The following MYBPC2 variants were observed in gnomAD, a reference collection of about 807,000 sequenced individuals.
MYBPC2 encodes myosin-binding protein C, fast-type.
MYBPC2 carries 122 observed loss-of-function variants against 137.0 expected under a neutral mutation model. That is an observed-to-expected ratio of 0.89 (90% confidence interval 0.77 to 1.03). The LOEUF is 1.03. Ranked by LOEUF, MYBPC2 falls within the 50% of genes least tolerant of loss-of-function variation. MYBPC2 has a pLI of 0.00. For synonymous variants in MYBPC2, 626 were observed against 612.3 expected, an observed-to-expected ratio of 1.02 and a Z score of -0.33; for missense variants, 1,500 against 1,534.4, an observed-to-expected ratio of 0.98 and a Z score of 0.37.
Position 50,454,440 on chromosome 19 carries a change from T to C in MYBPC2, c.2014+71T>C, listed in dbSNP as rs1601293188. ...CTTCTGTTTTTTTTTTTTTTTTTTT[T>C]TTTGAGATGGAGTCTCACTCTATCG... On this transcript the variant is annotated intron_variant, in intron 18 of 27. Transcript: ENST00000357701. 4 of 1,254,848 alleles carry C rather than the reference T, an allele frequency of 3.2e-6. No individual in the cohort carries two copies. In the East Asian group the frequency reaches 1.0e-4, roughly 31 times the overall value. The allele number at this position is 1,254,848 out of a possible 1,614,324, so 77.7% of individuals were successfully genotyped here.
chr19:50,463,635 A>C (rs550262473), intron 26 of MYBPC2, among the ~76,000 whole-genome samples: 2 of 152,288 alleles, frequency 1.3e-5, no homozygotes, highest in Non-Finnish European at 2.9e-5. Flanking sequence ...TCACATAAAT[A>C]ATATAAAATT....
Position 50,461,725 on chromosome 19 carries a change from C to T in MYBPC2, c.3091+24C>T, listed in dbSNP as rs761736857. On this transcript the variant is annotated intron_variant, in intron 25 of 27. Transcript: ENST00000357701. ...AGGTACAGCCATCCTGCCCCACAGCCCAGGCCCACCCCGTCCACCCTCTCG... is the reference window on the plus strand; with the variant it reads ...AGGTACAGCCATCCTGCCCCACAGCTCAGGCCCACCCCGTCCACCCTCTCG... 5.0e-6 allele frequency: 8 copies of T among 1,612,380 alleles called. No homozygotes were observed. In the East Asian group the frequency reaches 1.8e-4, roughly 36 times the overall value.
intron 9 of MYBPC2, among the ~76,000 whole-genome samples, chr19:50,442,567 T>C (rs754723070): frequency 3.3e-5 from 5 of 151,746 alleles, no homozygotes; most frequent in African/African-American, 7.2e-5. Context: ...ATACAAAAAA[T>C]TAGCCGGGTG....
Position 50,435,893 on chromosome 19 carries a change from G to A in MYBPC2, c.196+31G>A, listed in dbSNP as rs763378971. On this transcript the variant is annotated intron_variant, in intron 3 of 27. Transcript: ENST00000357701. This position sits in a 1 kb window ranked among gnomAD's most constrained non-coding sequence, Gnocchi z 4.8. ...GGGAACCCGGGGGAGGAGGGGCTGC[G>A]GCCCGGACTCCTGGGTCTGAGGGAG... 2.0e-5 allele frequency: 31 copies of A among 1,559,412 alleles called. No homozygotes were observed. In the East Asian group the frequency reaches 2.9e-4, roughly 14 times the overall value.
rs546856606 is a variant in MYBPC2 at position 50,445,806 on chromosome 19, C to T, written c.1134-74C>T. ...CTTCTGATCCCTCTGCATGGGCCCC[C>T]GACTGACTCTCCAAGACCCAGACCG... On this transcript the variant is annotated intron_variant, in intron 11 of 27. Transcript: ENST00000357701. The T allele has an allele frequency of 2.2e-4, 323 of 1,453,396 alleles. No individual in the cohort carries two copies. In the African/African-American group the frequency reaches 3.7e-3, roughly 17 times the overall value. The allele number at this position is 1,453,396 out of a possible 1,614,324, so 90.0% of individuals were successfully genotyped here.
In MYBPC2 at chr19:50,436,102, T is replaced by G; in HGVS notation, c.287T>G (p.Leu96Arg). 6.3e-7 allele frequency: 1 copy of G among 1,582,320 alleles called. No homozygotes were observed. Among genetic ancestry groups the G allele is most frequent in the Non-Finnish European group, 8.6e-7 (1 of 1,164,702 alleles). ...TGGTTCAAGGGGAAGTGGCTGGAGC[T>G]GGGCAGCAAGAGTGGCGCCCGCTTC... ...IKWFKGKWLE[L>R]GSKSGARFSF... The change falls in exon 4 of 28, where the codon CTG (leucine) becomes CGG (arginine). Residue 96 changes from leucine to arginine, a missense_variant. Physicochemically the swap from Leu to Arg is moderately radical, Grantham distance 102. Transcript: ENST00000357701.
Position 50,441,070 on chromosome 19 carries a change from A to G in MYBPC2, c.763A>G (p.Ser255Gly). 1.3e-6 allele frequency: 2 copies of G among 1,589,082 alleles called. No homozygotes were observed. Among genetic ancestry groups the G allele is most frequent in the Non-Finnish European group, 1.7e-6 (2 of 1,168,296 alleles). ...LKKAKVEVKK[S>G]AAFTKKLDPA... ...AAAGGCTAAGGTCGAGGTCAAGAAG[A>G]GTGCAGGTCAGCCCTGGTCTGGGGG... The change falls in exon 8 of 28, where the codon AGT becomes GGT. Residue 255 changes from serine to glycine, a missense_variant. Coordinates refer to ENST00000357701, the MANE Select transcript of MYBPC2 (RefSeq NM_004533.4).
At chr19:50,458,522 G>C in intron 20 of MYBPC2, 65 bp from the exon 21 acceptor site, 2 of 1,570,886 alleles carry the variant, frequency 1.3e-6, no homozygotes, top group Non-Finnish European at 1.7e-6. Flanking sequence ...CCAAGTCCCC[G>C]GGAGAAACGG....
Position 50,458,940 on chromosome 19 carries a change from C to T in MYBPC2, c.2529C>T (p.Pro843=). ...CAGAGCCACCCAAGATCCGGCTTCC[C>T]CGCCATCTCCGCCAGACCTACATCC... The part of the protein sequence containing the change: ...EIAEPPKIRL[P]RHLRQTYIRK... The change falls in exon 22 of 28, where the codon CCC becomes CCT. Residue 843 remains proline (P), a synonymous_variant. Coordinates refer to ENST00000357701, the MANE Select transcript of MYBPC2 (RefSeq NM_004533.4). 1.2e-6 allele frequency: 2 copies of T among 1,612,396 alleles called. No homozygotes were observed. The highest frequency in any genetic ancestry group is 1.7e-6 in the Non-Finnish European group (2 of 1,179,468).
rs779606584 is a variant in MYBPC2, at chr19:50,440,968, G to C, written c.661G>C (p.Ala221Pro). 1 of 1,613,776 alleles carries C rather than the reference G, an allele frequency of 6.2e-7. No homozygotes were observed. ...GGAGATTTGGGAGCTCCTGAAAGGG[G>C]CAAAGAAGAGCGAGTACGAGAAAAT... ...PPEIWELLKG[A>P]KKSEYEKIAF... is the part of the protein sequence containing the mutation. The change falls in exon 8 of 28, where the codon GCA becomes CCA. Residue 221 changes from alanine (A) to proline (P), a missense_variant. Coordinates refer to ENST00000357701, the MANE Select transcript of MYBPC2 (RefSeq NM_004533.4).
chr19:50,451,332 G>T (rs1271223352), intron 15 of MYBPC2, 23 bp downstream of exon 15: 1 of 1,612,930 alleles, frequency 6.2e-7, no homozygotes, highest in South Asian at 1.1e-5. Flanking sequence ...GGCTGCGCTG[G>T]GAGCGGGTCT....
rs1012770745 is a variant in MYBPC2, at chr19:50,465,425, G to A, written c.3416-770G>A. ...GCCACTAACCGTGTCCCTCAGAGCA[G>A]GATGACATCAATGTGGACTTCCAGA... On this transcript the variant is annotated intron_variant, in intron 27 of 27. Transcript: ENST00000357701. The surrounding 1 kb of genome is among the most constrained non-coding windows in gnomAD (Gnocchi z 4.5). 2.0e-5 allele frequency among the ~76,000 whole-genome samples: 3 copies of A among 152,210 alleles called. No homozygotes were observed. The highest frequency in any genetic ancestry group is 7.2e-5 in the African/African-American group (3 of 41,448).
intron 14 of MYBPC2, 49 bp downstream of exon 14, chr19:50,450,984 G>C (rs899686493): frequency 6.7e-7 from 1 of 1,496,956 alleles, no homozygotes; most frequent in African/African-American, 1.4e-5. Context: ...ATCCACCCTC[G>C]CAGACCCAGG....
Position 50,458,667 on chromosome 19 carries a change from A to T in MYBPC2, c.2419A>T (p.Ile807Phe). The stretch of plus-strand genomic sequence containing the variant: ...CAAGAATCTCCCGACCGGAGCCAGA[A>T]TCCTCTTCCGAGTAGTTGGGGTCAA... Reference protein sequence around the residue: ...TVKNLPTGARILFRVVGVNIA... With the variant: ...TVKNLPTGARFLFRVVGVNIA... Residue 807 changes from isoleucine (I) to phenylalanine (F), a missense_variant, in exon 21 of 28, where the codon ATC becomes TTC. Ile to Phe is a conservative substitution (Grantham distance 21, BLOSUM62 0). Transcript: ENST00000357701. 1 of 1,612,584 alleles carries T rather than the reference A, an allele frequency of 6.2e-7. No individual in the cohort carries two copies. Among genetic ancestry groups the T allele is most frequent in the Non-Finnish European group, 8.5e-7 (1 of 1,179,862 alleles).
intron 1 of MYBPC2, among the ~76,000 whole-genome samples, chr19:50,434,956 A>T (rs1459668135): frequency 6.9e-6 from 1 of 145,880 alleles, no homozygotes; most frequent in East Asian, 2.0e-4. Context: ...AGATAAATTT[A>T]TACCTAGGGT....
In MYBPC2 at chr19:50,448,478, T is replaced by A. The variant is rs2039827460; in HGVS notation, c.1472+88T>A. The A allele has an allele frequency of 2.2e-5, 33 of 1,497,104 alleles. No homozygotes were observed. In the South Asian group the frequency reaches 3.8e-4, roughly 17 times the overall value. The allele number at this position is 1,497,104 out of a possible 1,614,324, so 92.7% of individuals were successfully genotyped here. A position where few individuals can be genotyped will look rare whatever the true frequency, so the allele number is the denominator to read the frequency against. On this transcript the variant is annotated intron_variant, in intron 13 of 27. Coordinates refer to ENST00000357701, the MANE Select transcript of MYBPC2 (RefSeq NM_004533.4). Reference sequence around the variant, plus strand: ...GTAACAAGCTGTCCCCCATTTATTTTTTTTTTTGAGATGGAGTTTTGCTCT... The same window carrying A: ...GTAACAAGCTGTCCCCCATTTATTTATTTTTTTGAGATGGAGTTTTGCTCT...
At chr19:50,452,410 C>T (rs2039866734) in intron 16 of MYBPC2, among the ~76,000 whole-genome samples, 1 of 146,860 alleles carries the variant, frequency 6.8e-6, no homozygotes, top group African/African-American at 2.5e-5. Context: ...TTACCCACTT[C>T]AATCTATCTA....
At position 50,450,877 on chromosome 19, in the gene MYBPC2, C is replaced by T; in HGVS notation, c.1521C>T (p.Asp507=). 1 of 1,580,966 alleles carries T rather than the reference C, an allele frequency of 6.3e-7. No individual in the cohort carries two copies. Residue 507 remains aspartate (D), a synonymous_variant, in exon 14 of 28, where the codon GAC becomes GAT. Coordinates refer to ENST00000357701, the MANE Select transcript of MYBPC2 (RefSeq NM_004533.4). ...ACGTCCGCCCCGAGGATGAGGGAGA[C>T]TACACGTTTGTGCCTGACGGCTACG... is the stretch of plus-strand genomic sequence containing the variant. ...IDDVRPEDEG[D]YTFVPDGYAL... is the part of the protein sequence containing the mutation.
chr19:50,459,366 G>A, intron 23 of MYBPC2, 60 bp downstream of exon 23: 14 of 1,528,672 alleles, frequency 9.2e-6, no homozygotes, highest in Non-Finnish European at 1.1e-5. Flanking sequence ...CAGCGATGGG[G>A]GAGGAGGTAA....
Sources: gnomAD v4.1 joint callset for allele counts (sites outside exome capture counted in the v4.1 genomes callset) on GRCh38, gnomAD v4.1.1 for gene constraint, Gnocchi (gnomAD v3.1) non-coding constraint, MANE v1.5 for transcripts, NCBI Gene and HGNC (gene_info 2026-07-23, HGNC 2026-07-21) for gene names.